The following USH2A variants were observed in gnomAD, a reference collection of about 807,000 sequenced individuals.
USH2A encodes Usher syndrome 2A (autosomal recessive, mild).
Under a neutral mutation model 538.9 loss-of-function variants are expected in USH2A, and 443 were observed. The observed-to-expected ratio is 0.82, with a 90% CI of 0.76 to 0.89. USH2A has a LOEUF of 0.89. Ranked by LOEUF, USH2A falls within the 40% of genes least tolerant of loss-of-function variation. The pLI is 0.00. For missense variants in USH2A, 6,633 were observed against 6,324.8 expected (o/e 1.05, Z -1.65); for synonymous variants, 2,413 against 2,273.5 (o/e 1.06, Z -1.75).
Position 216,072,975 on chromosome 1 carries a change from A to G in USH2A, c.5777-6T>C. ...TATCACTCGATACAGGTATTCTTAA[A>G]TGGAAATAAGATGCAGCAAGATTAA... On this transcript the variant is annotated splice_polypyrimidine_tract_variant and splice_region_variant and intron_variant, in intron 28 of 71. Transcript: ENST00000307340. 6.2e-7 allele frequency: 1 copy of G among 1,613,950 alleles called. No homozygotes were observed. The highest frequency in any genetic ancestry group is 1.1e-5 in the South Asian group (1 of 91,082).
intron 32 of USH2A, among the ~76,000 whole-genome samples, chr1:216,017,093 AT>A (rs901240668): frequency 6.6e-5 from 10 of 151,988 alleles, no homozygotes; most frequent in African/African-American, 2.4e-4. Context: ...TGAACCCAGG[AT>A]TTTTTTCTTG....
At chr1:216,176,946 A>G (rs1043923402) in intron 20 of USH2A, among the ~76,000 whole-genome samples, 1 of 152,194 alleles carries the variant, frequency 6.6e-6, no homozygotes, top group African/African-American at 2.4e-5. Context: ...TTATTCATTC[A>G]TCTACTGATG....
At chr1:216,026,416 T>A (rs1558218680) in intron 32 of USH2A, among the ~76,000 whole-genome samples, 1 of 152,146 alleles carries the variant, frequency 6.6e-6, no homozygotes, top group Non-Finnish European at 1.5e-5. Context: ...TTTGCAATAG[T>A]CATGTGGCCA....
At chr1:216,123,587 T>TC (rs1491230396) in intron 21 of USH2A, among the ~76,000 whole-genome samples, 1 of 142,000 alleles carries the variant, frequency 7.0e-6, no homozygotes, top group Non-Finnish European at 1.6e-5. Context: ...TCCCTTTTTT[T>TC]CGCATTATTG....
rs540363594 is a variant in USH2A at position 216,023,842 on chromosome 1, A to G, written c.6325+22589T>C. On this transcript the variant is annotated intron_variant, in intron 32 of 71. Transcript: ENST00000307340. The stretch of plus-strand genomic sequence containing the variant: ...ATTTTCCTTTTTTTTCAGGAAACTA[A>G]TTCTTTAAAGGTTGGGGTGCAGATG... Among the ~76,000 whole-genome samples, 24 of 152,198 alleles carry G rather than the reference A, an allele frequency of 1.6e-4. 1 individual carries two copies. The South Asian group carries it at 5.0e-3, about 32-fold the overall frequency.
chr1:215,959,585 G>T lies in USH2A; in HGVS notation c.7120+5732C>A, dbSNP rs79253463. ...CATTAAAAACTGATCATTCTGCTTT[G>T]CTTTTCTTTTGTTTTTCTAAAATGC... On this transcript the variant is annotated intron_variant, in intron 37 of 71. Transcript: ENST00000307340. Among the ~76,000 whole-genome samples, 113 of 152,090 alleles carry T rather than the reference G, an allele frequency of 7.4e-4. 1 individual carries two copies. The East Asian group carries it at 0.017, about 23-fold the overall frequency.
At chr1:215,647,473 G>T in intron 67 of USH2A, 49 bp downstream of exon 67, 1 of 1,609,788 alleles carries the variant, frequency 6.2e-7, no homozygotes, top group South Asian at 1.1e-5. Context: ...AGCTTCTCCT[G>T]ACCACATTCC....
intron 3 of USH2A, among the ~76,000 whole-genome samples, chr1:216,368,513 A>G (rs1291865582): frequency 1.3e-5 from 2 of 152,186 alleles, no homozygotes; most frequent in Admixed American, 6.5e-5. Flanking sequence ...TGGTAATCCC[A>G]TTGCCTACAT....
At chr1:216,134,105 A>T (rs1280301922) in intron 21 of USH2A, among the ~76,000 whole-genome samples, 1 of 152,158 alleles carries the variant, frequency 6.6e-6, no homozygotes, top group African/African-American at 2.4e-5. Flanking sequence ...TTAAAACAAA[A>T]GCTGTTTTCT....
chr1:215,913,734 T>C (rs1665872608), intron 38 of USH2A, among the ~76,000 whole-genome samples: 1 of 151,808 alleles, frequency 6.6e-6, no homozygotes, highest in African/African-American at 2.4e-5. Context: ...ATACTTTGAT[T>C]CGAGTTTTTT....
chr1:216,215,566 C>T (rs563524065), intron 15 of USH2A, among the ~76,000 whole-genome samples: 7 of 152,064 alleles, frequency 4.6e-5, no homozygotes, highest in Non-Finnish European at 7.4e-5. Context: ...TTTTGACCTC[C>T]TCTGAAGGCA....
At chr1:216,157,304 T>C (rs1489307645) in intron 21 of USH2A, among the ~76,000 whole-genome samples, 1 of 152,174 alleles carries the variant, frequency 6.6e-6, no homozygotes, top group African/African-American at 2.4e-5. Context: ...GAATGTTTAT[T>C]ATTAAAAAGT....
At chr1:216,035,074 T>C (rs1669217208) in intron 32 of USH2A, among the ~76,000 whole-genome samples, 1 of 152,174 alleles carries the variant, frequency 6.6e-6, no homozygotes, top group African/African-American at 2.4e-5. Flanking sequence ...TTAAAACTGA[T>C]TGTGAACACA....
At chr1:216,281,258 T>C (rs1293240806) in intron 11 of USH2A, among the ~76,000 whole-genome samples, 3 of 148,930 alleles carry the variant, frequency 2.0e-5, no homozygotes, top group Non-Finnish European at 4.5e-5. Flanking sequence ...ATTCCTATTC[T>C]TATGTGTAAT....
intron 13 of USH2A, among the ~76,000 whole-genome samples, chr1:216,239,466 A>G (rs1051716032): frequency 6.6e-6 from 1 of 152,202 alleles, no homozygotes; most frequent in African/African-American, 2.4e-5. Flanking sequence ...TGCCTGAGAT[A>G]GAGCATTGAA....
intron 61 of USH2A, among the ~76,000 whole-genome samples, chr1:215,683,005 T>C (rs571647841): frequency 6.6e-6 from 1 of 152,198 alleles, no homozygotes; most frequent in African/African-American, 2.4e-5. Context: ...ACTACAGTCA[T>C]GTACCACCGT....
chr1:216,328,404 C>A (rs945695538), intron 4 of USH2A, among the ~76,000 whole-genome samples: 1 of 151,870 alleles, frequency 6.6e-6, no homozygotes, highest in Non-Finnish European at 1.5e-5. Flanking sequence ...CAAATAAGCC[C>A]AAGAGAGTGG....
Position 215,674,151 on chromosome 1 carries a change from T to C in USH2A, c.13760A>G (p.Asn4587Ser). The C allele has an allele frequency of 6.2e-7, 1 of 1,614,112 alleles. No individual in the cohort carries two copies. Among genetic ancestry groups the C allele is most frequent in the Non-Finnish European group, 8.5e-7 (1 of 1,180,020 alleles). Reference sequence around the variant, plus strand: ...TATATATGACTGCATACCAAAAGAATTATGAGTTGTGTTTATGTGTATGAT... The same window carrying C: ...TATATATGACTGCATACCAAAAGAACTATGAGTTGTGTTTATGTGTATGAT... ...TKIIHINTTHNSFGMQSYIVN... is the reference protein window; with the variant it reads ...TKIIHINTTHSSFGMQSYIVN... Residue 4587 changes from asparagine to serine, a missense_variant, in exon 63 of 72, where the codon AAT (asparagine) becomes AGT (serine). Asn to Ser is a conservative substitution (Grantham distance 46, BLOSUM62 1). Transcript: ENST00000307340.
At chr1:216,057,192 G>C (rs1462401967) in intron 30 of USH2A, among the ~76,000 whole-genome samples, 2 of 151,940 alleles carry the variant, frequency 1.3e-5, no homozygotes, top group African/African-American at 4.8e-5. Flanking sequence ...CAGTAGTTCA[G>C]GCACATTATG....
Sources: gnomAD v4.1 joint callset for allele counts (sites outside exome capture counted in the v4.1 genomes callset) on GRCh38, gnomAD v4.1.1 for gene constraint, MANE v1.5 for transcripts, NCBI Gene and HGNC (gene_info 2026-07-23, HGNC 2026-07-21) for gene names.